SPAG16: variants seen among roughly 807,000 people sequenced by gnomAD.
SPAG16 encodes the protein sperm associated antigen 16, also known as sperm-associated antigen 16 protein.
SPAG16 carries 86 observed loss-of-function variants against 80.4 expected under a neutral mutation model. The ratio of observed to expected loss-of-function variants is 1.07; its 90% confidence interval spans 0.90 to 1.28. The LOEUF is 1.28. SPAG16 is among the 50% of genes most tolerant of loss of function. The pLI, the probability that SPAG16 is intolerant of heterozygous loss-of-function variation, is 0.00. For missense variants in SPAG16, 870 were observed against 765.3 expected (o/e 1.14, Z -1.61); for synonymous variants, 294 against 265.9 (o/e 1.11, Z -1.03).
chr2:213,941,758 T>A (rs2079207093), intron 12 of SPAG16, among the ~76,000 whole-genome samples: 1 of 152,168 alleles, frequency 6.6e-6, no homozygotes, highest in Non-Finnish European at 1.5e-5. Context: ...ATTTTATTCA[T>A]ATACTGGCCT....
At chr2:213,781,635 A>T (rs577080473) in intron 10 of SPAG16, among the ~76,000 whole-genome samples, 2 of 152,270 alleles carry the variant, frequency 1.3e-5, no homozygotes, top group South Asian at 4.1e-4. Context: ...TAAGGAGAAA[A>T]ATCTTTAATT....
chr2:213,300,415 A>G (rs1310539665), intron 3 of SPAG16, among the ~76,000 whole-genome samples: 1 of 152,206 alleles, frequency 6.6e-6, no homozygotes, highest in Non-Finnish European at 1.5e-5. Flanking sequence ...TTCTCAAAGT[A>G]TTGTGGGAGA....
chr2:213,343,439 T>G (rs2124983604), intron 6 of SPAG16, among the ~76,000 whole-genome samples: 1 of 152,266 alleles, frequency 6.6e-6, no homozygotes, highest in East Asian at 1.9e-4. Context: ...CAGACAAGTG[T>G]ATGTCCAACA....
intron 15 of SPAG16, among the ~76,000 whole-genome samples, chr2:214,326,468 C>A (rs796547433): frequency 3.3e-5 from 5 of 152,202 alleles, no homozygotes; most frequent in African/African-American, 1.2e-4. Context: ...TGTATCATGG[C>A]AGCCACAGGT....
chr2:213,673,804 C>CA (rs1029031224), intron 10 of SPAG16, among the ~76,000 whole-genome samples: 32 of 149,426 alleles, frequency 2.1e-4, no homozygotes, highest in Admixed American at 1.1e-3. Context: ...TTACAAACAA[C>CA]AAAAAAAAAT....
intron 13 of SPAG16, among the ~76,000 whole-genome samples, chr2:214,060,432 A>C (rs1197775490): frequency 6.6e-6 from 1 of 152,222 alleles, no homozygotes; most frequent in Non-Finnish European, 1.5e-5. Flanking sequence ...TAATTCAGTA[A>C]GATTATGGGT....
At chr2:213,795,488 C>CA (rs2070967470) in intron 10 of SPAG16, among the ~76,000 whole-genome samples, 1 of 152,160 alleles carries the variant, frequency 6.6e-6, no homozygotes, top group South Asian at 2.1e-4. Context: ...ATTCTGCCTT[C>CA]AAAAAATACG....
intron 10 of SPAG16, among the ~76,000 whole-genome samples, chr2:213,845,412 C>CGT (rs914645917): frequency 3.3e-5 from 5 of 151,872 alleles, no homozygotes; most frequent in African/African-American, 1.2e-4. Context: ...TGGCCAGGAT[C>CGT]GTCTCGGTAT....
chr2:213,474,525 CCT>C (rs2073267481), intron 9 of SPAG16, among the ~76,000 whole-genome samples: 1 of 152,070 alleles, frequency 6.6e-6, no homozygotes, highest in African/African-American at 2.4e-5. Context: ...TAACTCCTTG[CCT>C]CTCATGTTTG....
intron 9 of SPAG16, among the ~76,000 whole-genome samples, chr2:213,466,826 C>A (rs2072724299): frequency 1.3e-5 from 2 of 152,190 alleles, no homozygotes; most frequent in African/African-American, 2.4e-5. Flanking sequence ...CAACACTTTA[C>A]CAAACAGGTG....
intron 14 of SPAG16, among the ~76,000 whole-genome samples, chr2:214,127,557 T>G (rs2054552213): frequency 6.6e-6 from 1 of 151,898 alleles, no homozygotes; most frequent in Non-Finnish European, 1.5e-5. Context: ...TTGTGTTAAA[T>G]CAAAGATTCA....
chr2:214,373,458 G>A (rs553269011), intron 15 of SPAG16, among the ~76,000 whole-genome samples: 55 of 152,160 alleles, frequency 3.6e-4, no homozygotes, highest in African/African-American at 1.3e-3. Flanking sequence ...TTGTGTGTGG[G>A]ATCAAAGGTA....
intron 13 of SPAG16, among the ~76,000 whole-genome samples, chr2:214,061,558 A>G (rs1184244363): frequency 6.6e-6 from 1 of 152,102 alleles, no homozygotes; most frequent in East Asian, 1.9e-4. Flanking sequence ...TTTCTCTTAC[A>G]TGGGGGTCCT....
chr2:214,264,378 A>G (rs1691396042), intron 15 of SPAG16, among the ~76,000 whole-genome samples: 1 of 152,112 alleles, frequency 6.6e-6, no homozygotes, highest in Non-Finnish European at 1.5e-5. Flanking sequence ...TGCCAAGTGC[A>G]TTTCTGCTAT....
chr2:213,468,386 GAT>G lies in SPAG16; in HGVS notation c.943-21562_943-21561del, dbSNP rs772576031. 3.5e-3 allele frequency among the ~76,000 whole-genome samples: 469 copies of G among 135,676 alleles called. 6 individuals are homozygous for G. Among genetic ancestry groups the G allele is most frequent in the African/African-American group, 0.011 (404 of 35,946 alleles). 89.0% of individuals were successfully genotyped at this position (135,676 alleles called of 152,430 possible). A position where few individuals can be genotyped will look rare whatever the true frequency, so the allele number is the denominator to read the frequency against. On this transcript the variant is annotated intron_variant, in intron 9 of 15. Transcript: ENST00000331683. ...ATATATATCTCTCTCTATATATATA[GAT>G]ATATATATATATATCTATGTATTTA...
chr2:214,053,141 C>T (rs2049750488), intron 13 of SPAG16, among the ~76,000 whole-genome samples: 1 of 152,114 alleles, frequency 6.6e-6, no homozygotes, highest in Non-Finnish European at 1.5e-5. Context: ...ACAAGGAAGG[C>T]ATGCAATTCG....
intron 8 of SPAG16, among the ~76,000 whole-genome samples, chr2:213,371,739 G>A (rs2066648865): frequency 6.6e-6 from 1 of 152,138 alleles, no homozygotes; most frequent in Admixed American, 6.6e-5. Context: ...TAGGGAATAA[G>A]ATGCAAATTG....
At chr2:213,863,824 TC>T (rs2075580616) in intron 11 of SPAG16, among the ~76,000 whole-genome samples, 3 of 152,180 alleles carry the variant, frequency 2.0e-5, no homozygotes, top group Admixed American at 2.0e-4. Flanking sequence ...TTTTAATAGA[TC>T]TTCCTGTTTT....
intron 7 of SPAG16, among the ~76,000 whole-genome samples, chr2:213,353,536 A>C (rs2065453295): frequency 6.6e-6 from 1 of 152,186 alleles, no homozygotes; most frequent in Non-Finnish European, 1.5e-5. Flanking sequence ...ATTGCCTGAA[A>C]AGCTAACAGC....
Sources: allele counts gnomAD v4.1 joint callset (sites outside exome capture counted in the v4.1 genomes callset), GRCh38; gene constraint gnomAD v4.1.1; transcripts MANE v1.5; gene names NCBI Gene and HGNC (gene_info 2026-07-23, HGNC 2026-07-21).